Variants in FBXL13 observed in about 807,000 individuals in gnomAD.
FBXL13 encodes the protein F-box and leucine rich repeat protein 13, also known as F-box and leucine-rich repeat protein 13.
Under a neutral mutation model 83.6 loss-of-function variants are expected in FBXL13, and 67 were observed. That is an observed-to-expected ratio of 0.80 (90% confidence interval 0.66 to 0.98). The LOEUF is 0.98. Ranked by LOEUF, FBXL13 falls within the 50% of genes least tolerant of loss-of-function variation. The probability of loss-of-function intolerance (pLI) is 0.00; values close to 1 mark genes in which losing one functional copy is unlikely to be tolerated. For missense variants in FBXL13, 822 were observed against 866.5 expected, an observed-to-expected ratio of 0.95 and a Z score of 0.64; for synonymous variants, 272 against 299.5, an observed-to-expected ratio of 0.91 and a Z score of 0.95.
intron 16 of FBXL13, among the ~76,000 whole-genome samples, chr7:102,859,177 G>A (rs769124236): frequency 2.6e-5 from 4 of 152,096 alleles, no homozygotes; most frequent in Non-Finnish European, 4.4e-5. Flanking sequence ...GTAGCAAAAC[G>A]GGGAGCAAGA....
intron 11 of FBXL13, among the ~76,000 whole-genome samples, chr7:102,894,718 G>C (rs894182363): frequency 1.4e-5 from 2 of 143,028 alleles, no homozygotes; most frequent in African/African-American, 2.6e-5. Context: ...CACAGAGAAA[G>C]ACTTTGTCTC....
At chr7:102,904,403 T>A (rs951727440) in intron 11 of FBXL13, among the ~76,000 whole-genome samples, 3 of 151,954 alleles carry the variant, frequency 2.0e-5, no homozygotes, top group Admixed American at 1.3e-4. Flanking sequence ...TTCTTTTTTT[T>A]TATACTTTAA....
chr7:102,954,012 C>A (rs188179280), intron 8 of FBXL13, among the ~76,000 whole-genome samples: 1 of 152,298 alleles, frequency 6.6e-6, no homozygotes, highest in Admixed American at 6.5e-5. Context: ...TCAACATGAT[C>A]GACGCAGAAG....
At chr7:102,968,102 T>C in exon 7 of FBXL13, 1 of 1,612,214 alleles carries the variant, frequency 6.2e-7, no homozygotes, top group South Asian at 1.1e-5. Flanking sequence ...TCTTTTAAAC[T>C]GAGGTAGAAG....
intron 6 of FBXL13, among the ~76,000 whole-genome samples, chr7:102,972,161 C>A (rs1022089944): frequency 1.3e-5 from 2 of 151,322 alleles, no homozygotes; most frequent in African/African-American, 4.9e-5. Flanking sequence ...TAACAATGGG[C>A]AAAAAATCTA....
intron 18 of FBXL13, among the ~76,000 whole-genome samples, chr7:102,831,668 CTTGAAGA>C (rs1243433208): frequency 6.6e-6 from 1 of 152,124 alleles, no homozygotes; most frequent in African/African-American, 2.4e-5. Flanking sequence ...TGCTCCCAAG[CTTGAAGA>C]TTGTGGTGTA....
At chr7:102,872,241 C>A (rs1808620114) in intron 16 of FBXL13, among the ~76,000 whole-genome samples, 1 of 152,180 alleles carries the variant, frequency 6.6e-6, no homozygotes, top group African/African-American at 2.4e-5. Context: ...CCCACACCCA[C>A]CCTTCCAAAT....
intron 2 of FBXL13, chr7:103,030,070 C>T (rs1013643376): frequency 1.3e-5 from 2 of 151,954 alleles, no homozygotes; most frequent in South Asian, 2.1e-4. Flanking sequence ...TGGTGTTTTC[C>T]TCTTATTTTG....
intron 2 of FBXL13, among the ~76,000 whole-genome samples, chr7:103,041,890 G>T (rs1170818731): frequency 2.0e-5 from 3 of 152,154 alleles, no homozygotes; most frequent in African/African-American, 7.2e-5. Flanking sequence ...AAAACTAGAA[G>T]CATTCCCTTT....
intron 2 of FBXL13, among the ~76,000 whole-genome samples, chr7:103,047,420 T>C (rs1796381672): frequency 6.6e-6 from 1 of 152,222 alleles, no homozygotes; most frequent in Non-Finnish European, 1.5e-5. Context: ...TTTAAATTCA[T>C]AGCACTGATA....
intron 6 of FBXL13, among the ~76,000 whole-genome samples, chr7:102,991,830 G>A (rs1452540182): frequency 6.6e-6 from 1 of 152,176 alleles, no homozygotes; most frequent in Non-Finnish European, 1.5e-5. Context: ...AACAAGACAG[G>A]AAGCATGAGT....
chr7:102,979,338 A>G (rs924339121), intron 6 of FBXL13, among the ~76,000 whole-genome samples: 2 of 152,188 alleles, frequency 1.3e-5, no homozygotes, highest in Non-Finnish European at 2.9e-5. Flanking sequence ...CCTTGGAGAG[A>G]TGCATTCTAA....
Position 102,831,428 on chromosome 7 carries a change from CA to C in FBXL13, c.1854+1411del, listed in dbSNP as rs1562920393. Among the ~76,000 whole-genome samples the C allele has an allele frequency of 7.3e-5, 11 of 151,716 alleles. No individual in the cohort carries two copies. In the East Asian group the frequency reaches 9.7e-4, roughly 13 times the overall value. On this transcript the variant is annotated intron_variant, in intron 18 of 19. Transcript: ENST00000313221. ...ACACACACACACACACACACACACA[CA>C]CACCCCACTACAGAGAGTTATCTTG...
At chr7:102,880,839 G>A (rs193024847) in intron 14 of FBXL13, among the ~76,000 whole-genome samples, 2 of 152,308 alleles carry the variant, frequency 1.3e-5, no homozygotes, top group Admixed American at 1.3e-4. Context: ...CCCTACAGAA[G>A]TCTCAGGTTC....
chr7:103,050,861 T>A (rs189524391), intron 2 of FBXL13, among the ~76,000 whole-genome samples: 10 of 152,324 alleles, frequency 6.6e-5, no homozygotes, highest in Admixed American at 5.9e-4. Flanking sequence ...CAGCAAAAAG[T>A]ACAAGACAGA....
intron 8 of FBXL13, chr7:102,934,285 G>T (rs767789939): frequency 4.3e-6 from 7 of 1,614,068 alleles, no homozygotes; most frequent in Non-Finnish European, 5.9e-6. Flanking sequence ...AGAGTGAGGC[G>T]TTCTTTGGTT....
At chr7:103,016,498 C>T (rs945933494) in intron 6 of FBXL13, among the ~76,000 whole-genome samples, 6 of 152,018 alleles carry the variant, frequency 3.9e-5, no homozygotes, top group African/African-American at 1.4e-4. Context: ...TGGTGCAGCC[C>T]ACCGAGCGAG....
exon 10 of FBXL13, chr7:102,926,282 G>T: frequency 6.2e-7 from 1 of 1,613,344 alleles, no homozygotes; most frequent in South Asian, 1.1e-5. Flanking sequence ...ACCTCGGCAG[G>T]AGTCGCATCG....
intron 6 of FBXL13, among the ~76,000 whole-genome samples, chr7:103,006,182 G>A (rs1790969150): frequency 6.6e-6 from 1 of 152,160 alleles, no homozygotes; most frequent in Non-Finnish European, 1.5e-5. Flanking sequence ...AAGCCAAGAA[G>A]ACAGATCTTG....
Sources: gnomAD v4.1 joint callset for allele counts (sites outside exome capture counted in the v4.1 genomes callset) on GRCh38, gnomAD v4.1.1 for gene constraint, MANE v1.5 for transcripts, NCBI Gene and HGNC (gene_info 2026-07-23, HGNC 2026-07-21) for gene names.